FILIP1: variants seen among roughly 807,000 people sequenced by gnomAD.
FILIP1 encodes the protein filamin A interacting protein 1, also known as filamin-A-interacting protein 1.
Under a neutral mutation model 102.1 loss-of-function variants are expected in FILIP1, and 61 were observed. The observed-to-expected ratio is 0.60, with a 90% CI of 0.49 to 0.74. FILIP1 has a LOEUF of 0.74. FILIP1 is among the 30% of genes least tolerant of loss of function. The pLI is 0.00. For synonymous variants in FILIP1, 491 were observed against 526.9 expected (o/e 0.93, Z 0.93); for missense variants, 1,314 against 1,441.2 (o/e 0.91, Z 1.43).
At position 75,472,964 on chromosome 6, in the gene FILIP1, A is replaced by G. The variant is rs564832030; in HGVS notation, c.-7+20450T>C. Among the ~76,000 whole-genome samples the G allele has an allele frequency of 3.9e-5, 6 of 152,232 alleles. No individual in the cohort carries two copies. The South Asian group carries it at 1.2e-3, about 32-fold the overall frequency. On this transcript the variant is annotated intron_variant, in intron 1 of 5. Coordinates refer to ENST00000237172, the MANE Select transcript of FILIP1 (RefSeq NM_015687.5). ...CGAAATCTCAAATTCTCTTAGCCAT[A>G]TTTTTACTTTTCTCTTCTCATCACC...
intron 1 of FILIP1, among the ~76,000 whole-genome samples, chr6:75,469,717 T>A (rs1779276225): frequency 6.6e-6 from 1 of 152,066 alleles, no homozygotes; most frequent in Non-Finnish European, 1.5e-5. Context: ...TGCACTATGA[T>A]CAAGTAAGGT....
chr6:75,319,830 C>CAAAAAAA, intron 4 of FILIP1: 2 of 334,736 alleles, frequency 6.0e-6, no homozygotes, highest in Non-Finnish European at 1.1e-5. Flanking sequence ...ACTCCGTCCC[C>CAAAAAAA]CAAAAAAAAA....
chr6:75,404,147 G>T (rs1351803496), intron 2 of FILIP1, among the ~76,000 whole-genome samples: 2 of 152,102 alleles, frequency 1.3e-5, no homozygotes, highest in Non-Finnish European at 2.9e-5. Context: ...TGAGGTGGGG[G>T]GATCACTTGA....
At chr6:75,433,782 G>A (rs1247798487) in intron 1 of FILIP1, among the ~76,000 whole-genome samples, 3 of 152,132 alleles carry the variant, frequency 2.0e-5, no homozygotes, top group Non-Finnish European at 4.4e-5. Flanking sequence ...GTCCTGAATG[G>A]TATTGCCTAG....
intron 3 of FILIP1, chr6:75,361,039 T>C (rs1775157768): frequency 6.6e-6 from 1 of 152,222 alleles, no homozygotes; most frequent in South Asian, 2.1e-4. Flanking sequence ...ATTTTGGCAG[T>C]ATCAGGAAAA....
chr6:75,377,151 A>C (rs1269862832), intron 2 of FILIP1, among the ~76,000 whole-genome samples: 1 of 152,222 alleles, frequency 6.6e-6, no homozygotes, highest in Admixed American at 6.5e-5. Context: ...CACAAAAATT[A>C]GAAATGTTAA....
Position 75,314,090 on chromosome 6 carries a change from C to T in FILIP1, c.1742G>A (p.Ser581Asn), listed in dbSNP as rs774482509. Reference sequence around the variant, plus strand: ...TAATTCAGAGGATTTTTCTTCTTCACTTTTCAATTTGCCTATCAACTCATC... The same window carrying T: ...TAATTCAGAGGATTTTTCTTCTTCATTTTTCAATTTGCCTATCAACTCATC... ...ERDELIGKLK[S>N]EEEKSSELSC... The change falls in exon 5 of 6, where the codon AGT (serine) becomes AAT (asparagine). Residue 581 changes from serine to asparagine, a missense_variant. Ser to Asn is a conservative substitution (Grantham distance 46). This residue lies in a region of FILIP1 where 816 missense variants were observed against 913.1 expected (regional missense o/e 0.89). Coordinates refer to ENST00000237172, the MANE Select transcript of FILIP1 (RefSeq NM_015687.5). 4 of 1,503,554 alleles carry T rather than the reference C, an allele frequency of 2.7e-6. No homozygotes were observed. Among genetic ancestry groups the T allele is most frequent in the Non-Finnish European group, 3.5e-6 (4 of 1,134,136 alleles). 93.1% of individuals were successfully genotyped at this position (1,503,554 alleles called of 1,614,324 possible).
intron 1 of FILIP1, among the ~76,000 whole-genome samples, chr6:75,434,057 T>G (rs945385539): frequency 2.6e-5 from 4 of 152,234 alleles, no homozygotes; most frequent in African/African-American, 7.2e-5. Context: ...TATCTCTGTT[T>G]TGGTACCAGT....
chr6:75,465,847 TA>T (rs1331280941), intron 1 of FILIP1, among the ~76,000 whole-genome samples: 1 of 151,860 alleles, frequency 6.6e-6, no homozygotes, highest in Non-Finnish European at 1.5e-5. Context: ...TCAAAAGGAG[TA>T]AAAGTCAAAA....
chr6:75,407,064 A>G (rs559213546), intron 2 of FILIP1, among the ~76,000 whole-genome samples: 1 of 152,320 alleles, frequency 6.6e-6, no homozygotes, highest in Admixed American at 6.5e-5. Context: ...AGAAGCACAT[A>G]TAGGAGGCTC....
At chr6:75,407,331 T>C (rs1199931813) in intron 2 of FILIP1, among the ~76,000 whole-genome samples, 1 of 152,082 alleles carries the variant, frequency 6.6e-6, no homozygotes, top group Admixed American at 6.5e-5. Flanking sequence ...GTTCATGCCA[T>C]TATCCTGCCT....
chr6:75,437,805 C>T (rs2149715760), intron 1 of FILIP1, among the ~76,000 whole-genome samples: 1 of 152,284 alleles, frequency 6.6e-6, no homozygotes, highest in South Asian at 2.1e-4. Flanking sequence ...ACTGGGCATT[C>T]CAAAGCAATT....
chr6:75,317,672 A>G (rs951860242), intron 4 of FILIP1, among the ~76,000 whole-genome samples: 11 of 152,182 alleles, frequency 7.2e-5, no homozygotes, highest in African/African-American at 2.7e-4. Flanking sequence ...CACATTTTTC[A>G]CGTTCTCCTA....
intron 1 of FILIP1, 106 bp from the exon 2 acceptor site, chr6:75,415,084 G>A: frequency 8.9e-6 from 9 of 1,006,960 alleles, no homozygotes; most frequent in South Asian, 6.7e-5. Context: ...TCGCCAATAA[G>A]GAAAAATCAA....
chr6:75,322,677 C>A (rs1384398171), intron 4 of FILIP1, among the ~76,000 whole-genome samples: 2 of 152,064 alleles, frequency 1.3e-5, no homozygotes, highest in East Asian at 1.9e-4. Context: ...TTCTTAATTT[C>A]TTATTTCATA....
At chr6:75,380,092 A>G (rs1370407028) in intron 2 of FILIP1, among the ~76,000 whole-genome samples, 1 of 152,182 alleles carries the variant, frequency 6.6e-6, no homozygotes, top group Non-Finnish European at 1.5e-5. Flanking sequence ...GAATGAATGA[A>G]TGAATATACA....
At chr6:75,441,911 G>T (rs1377671169) in intron 1 of FILIP1, among the ~76,000 whole-genome samples, 3 of 151,274 alleles carry the variant, frequency 2.0e-5, no homozygotes, top group South Asian at 2.1e-4. Flanking sequence ...CCTCCCGGAC[G>T]GGGCGGCTGG....
chr6:75,304,270 A>C (rs1040592389), downstream of FILIP1, among the ~76,000 whole-genome samples: 3 of 152,162 alleles, frequency 2.0e-5, no homozygotes, highest in Non-Finnish European at 2.9e-5. Flanking sequence ...GTTGGAGTGC[A>C]GTGGCACTAT....
intron 2 of FILIP1, among the ~76,000 whole-genome samples, chr6:75,370,573 T>TTTTG (rs1775484819): frequency 7.0e-6 from 1 of 143,458 alleles, no homozygotes; most frequent in African/African-American, 2.6e-5. Context: ...TCTCTTCTTT[T>TTTTG]TTTTTTTTTT....
Sources: gnomAD v4.1 joint callset for allele counts (sites outside exome capture counted in the v4.1 genomes callset) on GRCh38, gnomAD v4.1.1 for gene constraint, gnomAD v4.1.1 regional missense constraint, MANE v1.5 for transcripts, NCBI Gene and HGNC (gene_info 2026-07-23, HGNC 2026-07-21) for gene names.